Variants in VWA8 observed in about 807,000 individuals in gnomAD.
VWA8 encodes von Willebrand factor A domain-containing protein 8.
A neutral mutation model predicts 241.5 loss-of-function variants in VWA8; 221 were observed. The observed-to-expected ratio is 0.91, with a 90% confidence interval of 0.82 to 1.02. VWA8 has a LOEUF of 1.02. VWA8 is among the 50% of genes least tolerant of loss of function. The pLI is 0.00. For missense variants in VWA8, 2,322 were observed against 2,328.7 expected (o/e 1.00, Z 0.06); for synonymous variants, 852 against 827.1 (o/e 1.03, Z -0.52).
chr13:41,672,523 T>G (rs995141129), intron 36 of VWA8, among the ~76,000 whole-genome samples: 6 of 152,216 alleles, frequency 3.9e-5, no homozygotes, highest in Non-Finnish European at 2.9e-5. Context: ...AAGCTATCAT[T>G]GTAGATTTTG....
chr13:41,865,692 A>G (rs761364989), intron 12 of VWA8, 44 bp downstream of exon 12: 1 of 1,605,854 alleles, frequency 6.2e-7, no homozygotes, highest in East Asian at 2.2e-5. Context: ...TGGCCTAAGC[A>G]TATATGCTTA....
intron 21 of VWA8, among the ~76,000 whole-genome samples, chr13:41,744,064 T>C (rs924972064): frequency 1.1e-4 from 17 of 152,330 alleles, no homozygotes; most frequent in Admixed American, 9.2e-4. Context: ...CCTTAATCAA[T>C]GACTTAGAGA....
chr13:41,915,224 T>C (rs1432571932), intron 2 of VWA8, among the ~76,000 whole-genome samples: 1 of 152,206 alleles, frequency 6.6e-6, no homozygotes, highest in Non-Finnish European at 1.5e-5. Context: ...TGTATAATCA[T>C]GTTTATGCTC....
intron 21 of VWA8, among the ~76,000 whole-genome samples, chr13:41,736,657 G>T (rs2045527004): frequency 6.6e-6 from 1 of 151,880 alleles, no homozygotes; most frequent in Non-Finnish European, 1.5e-5. Context: ...AAGAGTAAAG[G>T]AAGAAAGAAG....
chr13:41,736,357 G>A (rs1473397789), intron 21 of VWA8, among the ~76,000 whole-genome samples: 4 of 152,012 alleles, frequency 2.6e-5, no homozygotes, highest in Non-Finnish European at 5.9e-5. Context: ...AAAAATTAGA[G>A]TTATATTTCA....
chr13:41,888,483 C>T (rs7317731), intron 5 of VWA8, among the ~76,000 whole-genome samples: 34,918 of 152,034 alleles, frequency 0.23, 4,059 homozygotes, highest in East Asian at 0.29. Context: ...CATCTCCCAA[C>T]TGCAGCTCTC....
chr13:41,634,695 T>C (rs559153512), intron 37 of VWA8, among the ~76,000 whole-genome samples: 19 of 150,882 alleles, frequency 1.3e-4, no homozygotes, highest in Non-Finnish European at 2.1e-4. Flanking sequence ...ATTCGTTTCT[T>C]CATCTTCAAA....
chr13:41,775,986 T>C (rs1487708044), intron 20 of VWA8, among the ~76,000 whole-genome samples: 5 of 152,116 alleles, frequency 3.3e-5, no homozygotes, highest in Non-Finnish European at 7.3e-5. Context: ...TTGCAAGTGC[T>C]ACCTTTGCCA....
At chr13:41,951,667 C>T (rs1482587933) in intron 1 of VWA8, among the ~76,000 whole-genome samples, 3 of 152,148 alleles carry the variant, frequency 2.0e-5, no homozygotes, top group Admixed American at 6.5e-5. Flanking sequence ...AAAAAGTAGT[C>T]GTGCAAAACT....
chr13:41,646,285 G>A (rs2044831947), intron 37 of VWA8, among the ~76,000 whole-genome samples: 1 of 152,116 alleles, frequency 6.6e-6, no homozygotes, highest in Non-Finnish European at 1.5e-5. Context: ...TGATTTTTAT[G>A]TGTAGGGTTG....
intron 32 of VWA8, among the ~76,000 whole-genome samples, chr13:41,690,707 T>C (rs932011542): frequency 6.6e-6 from 1 of 152,120 alleles, no homozygotes; most frequent in African/African-American, 2.4e-5. Flanking sequence ...AATATGGATG[T>C]ATATATAGGC....
chr13:41,697,841 T>A (rs1368133945), intron 29 of VWA8, among the ~76,000 whole-genome samples: 1 of 152,160 alleles, frequency 6.6e-6, no homozygotes, highest in Non-Finnish European at 1.5e-5. Flanking sequence ...CCCTTCACTT[T>A]GCCCCTACTC....
At chr13:41,801,875 T>C (rs1271831866) in intron 17 of VWA8, among the ~76,000 whole-genome samples, 1 of 152,202 alleles carries the variant, frequency 6.6e-6, no homozygotes, top group Non-Finnish European at 1.5e-5. Flanking sequence ...CTTGAGTGAC[T>C]TAAACAATTT....
intron 22 of VWA8, 68 bp from the exon 23 acceptor site, chr13:41,729,745 A>G (rs2045466493): frequency 1.3e-6 from 2 of 1,502,262 alleles, no homozygotes; most frequent in South Asian, 2.5e-5. Context: ...TTCATTACTT[A>G]CTGCTTTGGA....
At chr13:41,783,166 ATGTG>A (rs1047112615) in intron 19 of VWA8, among the ~76,000 whole-genome samples, 3 of 148,714 alleles carry the variant, frequency 2.0e-5, no homozygotes, top group Non-Finnish European at 4.5e-5. Flanking sequence ...ATATAATTAT[ATGTG>A]TGTATGTGTA....
At chr13:41,691,985 A>G in intron 30 of VWA8, 47 bp from the exon 31 acceptor site, 3 of 1,291,710 alleles carry the variant, frequency 2.3e-6, no homozygotes, top group Non-Finnish European at 3.4e-6. Flanking sequence ...TGTCAGATAC[A>G]GTCATGTCCC....
chr13:41,787,362 G>T (rs770059799), intron 18 of VWA8, 75 bp downstream of exon 18: 51 of 1,192,368 alleles, frequency 4.3e-5, no homozygotes, highest in Non-Finnish European at 5.8e-5. Flanking sequence ...ATTTTAACTG[G>T]AATTAAAATA....
intron 37 of VWA8, among the ~76,000 whole-genome samples, chr13:41,644,517 T>A (rs1208708504): frequency 6.6e-6 from 1 of 152,252 alleles, no homozygotes; most frequent in Non-Finnish European, 1.5e-5. Flanking sequence ...TTTCTCTAGC[T>A]ACTCTGGTTT....
At chr13:41,767,812 G>T (rs1368167817) in intron 20 of VWA8, among the ~76,000 whole-genome samples, 1 of 152,118 alleles carries the variant, frequency 6.6e-6, no homozygotes, top group Non-Finnish European at 1.5e-5. Context: ...GCTATAAATG[G>T]CAAAAATCCA....
Sources: gnomAD v4.1 joint callset for allele counts (sites outside exome capture counted in the v4.1 genomes callset) on GRCh38, gnomAD v4.1.1 for gene constraint, MANE v1.5 for transcripts, NCBI Gene and HGNC (gene_info 2026-07-23, HGNC 2026-07-21) for gene names.